The following SEC61A2 variants were observed in gnomAD, a reference collection of about 807,000 sequenced individuals.
SEC61A2 encodes protein transport protein Sec61 subunit alpha isoform 2.
Under a neutral mutation model 59.9 loss-of-function variants are expected in SEC61A2, and 28 were observed. The ratio of observed to expected loss-of-function variants is 0.47; its 90% CI spans 0.35 to 0.64. The LOEUF is 0.64. Ranked by LOEUF, SEC61A2 falls within the 30% of genes least tolerant of loss-of-function variation. SEC61A2 has a pLI of 0.01. For missense variants in SEC61A2, 340 were observed against 585.9 expected (o/e 0.58, Z 4.33); for synonymous variants, 202 against 214.4 (o/e 0.94, Z 0.50).
chr10:12,143,050 T>C lies in SEC61A2; in HGVS notation c.142-67T>C. 14 of 1,251,936 alleles carry C rather than the reference T, an allele frequency of 1.1e-5. No homozygotes were observed. Among genetic ancestry groups the C allele is most frequent in the Non-Finnish European group, 1.5e-5 (13 of 853,218 alleles). The allele number at this position is 1,251,936 out of a possible 1,614,324, so 77.6% of individuals were successfully genotyped here. ...TCACTGCAGCCTTTGCCTCCTGGGT[T>C]CAAGCGATTCTTATGCCTCAGCCTT... On this transcript the variant is annotated intron_variant, in intron 3 of 11. Transcript: ENST00000298428. This position sits in a 1 kb window ranked among gnomAD's most constrained non-coding sequence, Gnocchi z 4.8.
rs1461349286 is a variant in SEC61A2, at chr10:12,154,604, G to T, written c.463-1174G>T. 6.6e-6 allele frequency among the ~76,000 whole-genome samples: 1 copy of T among 152,164 alleles called. No homozygotes were observed. The highest frequency in any genetic ancestry group is 2.4e-5 in the African/African-American group (1 of 41,428). On this transcript the variant is annotated intron_variant, in intron 6 of 11. Transcript: ENST00000298428. The surrounding 1 kb of genome is among the most constrained non-coding windows in gnomAD (Gnocchi z 5.2). ...CGAACTTGGTTTTCAAGCAGTAAAG[G>T]ATTAGCATGATCTCTCTTAGAAGTT...
chr10:12,151,717 T>C (rs946389556), intron 6 of SEC61A2, among the ~76,000 whole-genome samples: 2 of 152,222 alleles, frequency 1.3e-5, no homozygotes, highest in African/African-American at 2.4e-5. Context: ...GAAATCTGAC[T>C]GTCTCAGACT....
Position 12,153,657 on chromosome 10 carries a change from T to TA in SEC61A2, c.463-2119dup. On this transcript the variant is annotated intron_variant, in intron 6 of 11. Coordinates refer to ENST00000298428, the MANE Select transcript of SEC61A2 (RefSeq NM_018144.4). The surrounding 1 kb of genome is among the most constrained non-coding windows in gnomAD (Gnocchi z 5.2). ...GATACACAAATATGCGTGTTATGGC[T>TA]AATTCTTCTAATGTTAATATATAAA... is the stretch of plus-strand genomic sequence containing the variant. 6.8e-7 allele frequency: 1 copy of TA among 1,477,004 alleles called. No homozygotes were observed. Among genetic ancestry groups the TA allele is most frequent in the Non-Finnish European group, 9.2e-7 (1 of 1,084,092 alleles). 91.5% of individuals were successfully genotyped at this position (1,477,004 alleles called of 1,614,324 possible).
rs1333516658 is a variant in SEC61A2, at chr10:12,161,191, A to G, written c.1167+70A>G. 2.3e-6 allele frequency: 3 copies of G among 1,327,908 alleles called. No homozygotes were observed. Among genetic ancestry groups the G allele is most frequent in the Admixed American group, 2.2e-5 (1 of 45,692 alleles). 82.3% of individuals were successfully genotyped at this position (1,327,908 alleles called of 1,614,324 possible). ...GGTGGCGCACATCTGTAATCGTAGC[A>G]CTTTGGCAGGCTGAGGCCGCTGGAT... is the stretch of plus-strand genomic sequence containing the variant. On this transcript the variant is annotated intron_variant, in intron 10 of 11. Coordinates refer to ENST00000298428, the MANE Select transcript of SEC61A2 (RefSeq NM_018144.4). This position sits in a 1 kb window ranked among gnomAD's most constrained non-coding sequence, Gnocchi z 5.4.
chr10:12,164,871 TTATATC>T lies in SEC61A2; in HGVS notation c.*420_*425del, dbSNP rs1431012463. The T allele has an allele frequency of 1.0e-6, 1 of 981,502 alleles. No individual in the cohort carries two copies. The highest frequency in any genetic ancestry group is 1.2e-6 in the Non-Finnish European group (1 of 825,200). 60.8% of individuals were successfully genotyped at this position (981,502 alleles called of 1,614,324 possible). A position where few individuals can be genotyped will look rare whatever the true frequency, so the allele number is the denominator to read the frequency against. Reference sequence around the variant, plus strand: ...GCTTATTTAATGAGTTCTGGAACATTTATATCTAATCTATATTTTAGATAATTACTT... The same window carrying T: ...GCTTATTTAATGAGTTCTGGAACATTTAATCTATATTTTAGATAATTACTT... On this transcript the variant is annotated 3_prime_UTR_variant, in exon 12 of 12. Coordinates refer to ENST00000298428, the MANE Select transcript of SEC61A2 (RefSeq NM_018144.4). The surrounding 1 kb of genome is among the most constrained non-coding windows in gnomAD (Gnocchi z 7.3).
rs917364731 is a variant in SEC61A2 at position 12,145,838 on chromosome 10, C to T, written c.220+2643C>T. Reference sequence around the variant, plus strand: ...TAAGGAATAGGAAATCACTGACTAGCTTAAACAGAAACATGATACTTGCTG... The same window carrying T: ...TAAGGAATAGGAAATCACTGACTAGTTTAAACAGAAACATGATACTTGCTG... On this transcript the variant is annotated intron_variant, in intron 4 of 11. Coordinates refer to ENST00000298428, the MANE Select transcript of SEC61A2 (RefSeq NM_018144.4). This position sits in a 1 kb window ranked among gnomAD's most constrained non-coding sequence, Gnocchi z 4.4. 1.3e-5 allele frequency among the ~76,000 whole-genome samples: 2 copies of T among 152,126 alleles called. No individual in the cohort carries two copies. The highest frequency in any genetic ancestry group is 2.9e-5 in the Non-Finnish European group (2 of 68,018).
At chr10:12,146,187 A>T (rs1177920577) in intron 4 of SEC61A2, among the ~76,000 whole-genome samples, 1 of 151,910 alleles carries the variant, frequency 6.6e-6, no homozygotes, top group African/African-American at 2.4e-5. Context: ...TGCGCCACTA[A>T]TTTTTTTATT....
intron 3 of SEC61A2, among the ~76,000 whole-genome samples, chr10:12,139,116 C>T (rs1027545773): frequency 6.6e-6 from 1 of 152,176 alleles, no homozygotes; most frequent in Admixed American, 6.5e-5. Flanking sequence ...CACGTGCTAC[C>T]ATGCCCAGCC....
intron 1 of SEC61A2, 75 bp from the exon 2 acceptor site, chr10:12,133,166 A>G (rs564601433): frequency 1.3e-6 from 1 of 742,490 alleles, no homozygotes; most frequent in East Asian, 2.7e-5. Context: ...GAATCTTTGT[A>G]TTTGATTTTC....
rs746913284 is a variant in SEC61A2, at chr10:12,164,249, T to C, written c.1245-19T>C. ...TTCCTGGTCTCTGCTGCCGCCTAACTTGGGGTTCTGTCTCCTAGGTACATC... is the reference window on the plus strand; with the variant it reads ...TTCCTGGTCTCTGCTGCCGCCTAACCTGGGGTTCTGTCTCCTAGGTACATC... On this transcript the variant is annotated intron_variant, in intron 11 of 11. Transcript: ENST00000298428. This position sits in a 1 kb window ranked among gnomAD's most constrained non-coding sequence, Gnocchi z 7.3. 2.5e-6 allele frequency: 4 copies of C among 1,611,616 alleles called. No individual in the cohort carries two copies. In the South Asian group the frequency reaches 3.3e-5, roughly 13 times the overall value.
Position 12,149,732 on chromosome 10 carries a change from C to T in SEC61A2, c.352+6C>T, listed in dbSNP as rs1834232017. ...ATTCAATGGAGCCCAGAAACGTGAGCATTAATGCAATTAAAGAGCATTCTC... is the reference window on the plus strand; with the variant it reads ...ATTCAATGGAGCCCAGAAACGTGAGTATTAATGCAATTAAAGAGCATTCTC... On this transcript the variant is annotated splice_donor_region_variant and intron_variant, in intron 5 of 11. Coordinates refer to ENST00000298428, the MANE Select transcript of SEC61A2 (RefSeq NM_018144.4). The surrounding 1 kb of genome is among the most constrained non-coding windows in gnomAD (Gnocchi z 5.2). 2 of 1,608,882 alleles carry T rather than the reference C, an allele frequency of 1.2e-6. No individual in the cohort carries two copies. Among genetic ancestry groups the T allele is most frequent in the Admixed American group, 1.7e-5 (1 of 58,434 alleles).
intron 2 of SEC61A2, 77 bp from the exon 3 acceptor site, chr10:12,136,028 C>G: frequency 4.5e-6 from 4 of 898,696 alleles, no homozygotes; most frequent in Non-Finnish European, 7.5e-6. Context: ...CAAAGAATAA[C>G]CTCAAAACTC....
chr10:12,166,162 TC>T (rs1310587021), downstream of SEC61A2: 7 of 152,344 alleles, frequency 4.6e-5, no homozygotes, highest in Non-Finnish European at 8.8e-5. Context: ...TAAGCTTAGG[TC>T]AGCTGCAGAG....
chr10:12,145,243 G>A lies in SEC61A2; in HGVS notation c.220+2048G>A, dbSNP rs1032133990. 2.6e-5 allele frequency among the ~76,000 whole-genome samples: 4 copies of A among 151,932 alleles called. No individual in the cohort carries two copies. The highest frequency in any genetic ancestry group is 2.6e-4 in the Admixed American group (4 of 15,228). Reference sequence around the variant, plus strand: ...AGGTTCCTTTCTTGTCATATATTACGTTTTTTTCCCCCCGATTTTATATCA... The same window carrying A: ...AGGTTCCTTTCTTGTCATATATTACATTTTTTTCCCCCCGATTTTATATCA... On this transcript the variant is annotated intron_variant, in intron 4 of 11. Transcript: ENST00000298428. The surrounding 1 kb of genome is among the most constrained non-coding windows in gnomAD (Gnocchi z 4.4).
At position 12,162,553 on chromosome 10, in the gene SEC61A2, A is replaced by G. The variant is rs978284479; in HGVS notation, c.1244+264A>G. ...TCAGCATTGGCTGGCTGCACATACA[A>G]TCACCAGAGAGCTTTTAAAAAGGAT... On this transcript the variant is annotated intron_variant, in intron 11 of 11. Coordinates refer to ENST00000298428, the MANE Select transcript of SEC61A2 (RefSeq NM_018144.4). The surrounding 1 kb of genome is among the most constrained non-coding windows in gnomAD (Gnocchi z 6.1). The G allele has an allele frequency of 3.4e-6, 2 of 591,190 alleles. No individual in the cohort carries two copies. The highest frequency in any genetic ancestry group is 1.6e-5 in the South Asian group (1 of 61,270). The allele number at this position is 591,190 out of a possible 1,614,324, so 36.6% of individuals were successfully genotyped here.
chr10:12,137,068 A>G (rs766694469), intron 3 of SEC61A2, among the ~76,000 whole-genome samples: 7 of 150,952 alleles, frequency 4.6e-5, no homozygotes, highest in Non-Finnish European at 1.0e-4. Flanking sequence ...ACCCTTTTTT[A>G]TCTGGCAATT....
rs991721786 is a variant in SEC61A2, at chr10:12,153,372, A to G, written c.463-2406A>G. ...CACTTAGAACTGGCATGTAGCTCGTAGAACATTATACATCAAGAAAAGCTC... is the reference window on the plus strand; with the variant it reads ...CACTTAGAACTGGCATGTAGCTCGTGGAACATTATACATCAAGAAAAGCTC... On this transcript the variant is annotated intron_variant, in intron 6 of 11. Coordinates refer to ENST00000298428, the MANE Select transcript of SEC61A2 (RefSeq NM_018144.4). This position sits in a 1 kb window ranked among gnomAD's most constrained non-coding sequence, Gnocchi z 5.2. Among the ~76,000 whole-genome samples the G allele has an allele frequency of 1.3e-5, 2 of 152,218 alleles. No individual in the cohort carries two copies. The highest frequency in any genetic ancestry group is 2.9e-5 in the Non-Finnish European group (2 of 68,044).
Position 12,161,415 on chromosome 10 carries a change from C to A in SEC61A2, c.1167+294C>A, listed in dbSNP as rs1032941533. Among the ~76,000 whole-genome samples, 7 of 152,140 alleles carry A rather than the reference C, an allele frequency of 4.6e-5. No homozygotes were observed. The East Asian group carries it at 1.2e-3, about 25-fold the overall frequency. ...TGAGCCAAGATTGCACCACTGCACT[C>A]CAGCCTGGGTGACAGAGCGAGATCC... On this transcript the variant is annotated intron_variant, in intron 10 of 11. Coordinates refer to ENST00000298428, the MANE Select transcript of SEC61A2 (RefSeq NM_018144.4). The surrounding 1 kb of genome is among the most constrained non-coding windows in gnomAD (Gnocchi z 5.4).
chr10:12,150,994 G>C (rs559413893), intron 6 of SEC61A2, among the ~76,000 whole-genome samples: 3,052 of 150,650 alleles, frequency 0.02, 111 homozygotes, highest in African/African-American at 0.068. Context: ...CCAGGCTGGT[G>C]TTGAACTCCT....
Sources: gnomAD v4.1 joint callset for allele counts (sites outside exome capture counted in the v4.1 genomes callset) on GRCh38, gnomAD v4.1.1 for gene constraint, Gnocchi (gnomAD v3.1) non-coding constraint, MANE v1.5 for transcripts, NCBI Gene and HGNC (gene_info 2026-07-23, HGNC 2026-07-21) for gene names.